The following NYAP2 variants were observed in gnomAD, a reference collection of about 807,000 sequenced individuals.
NYAP2 encodes neuronal tyrosine-phosphorylated phosphoinositide-3-kinase adaptor 2, also known as neuronal tyrosine-phosphorylated phosphoinositide-3-kinase adapter 2.
A neutral mutation model predicts 50.4 loss-of-function variants in NYAP2; 23 were observed. That is an observed-to-expected ratio of 0.46 (90% CI 0.33 to 0.65). The LOEUF (loss-of-function observed/expected upper bound fraction) is 0.65, where lower values mean the gene tolerates loss of function less well. Ranked by LOEUF, NYAP2 falls within the 30% of genes least tolerant of loss-of-function variation. NYAP2 has a pLI of 0.02. For missense variants in NYAP2, 885 were observed against 861.0 expected (o/e 1.03, Z -0.35); for synonymous variants, 394 against 365.2 (o/e 1.08, Z -0.90).
Position 225,502,241 on chromosome 2 carries a change from C to T in NYAP2, c.222-11130C>T, listed in dbSNP as rs552106622. Among the ~76,000 whole-genome samples the T allele has an allele frequency of 5.3e-5, 8 of 152,084 alleles. 1 individual carries two copies. In the Middle Eastern group the frequency reaches 0.01, roughly 194 times the overall value. On this transcript the variant is annotated intron_variant, in intron 3 of 6. Transcript: ENST00000636099. ...AAGTGATGAGCACCTAAACCAAAGC[C>T]GAGCGGTAGAGATGGAGAGAAGGGG...
rs570168774 is a variant in NYAP2, at chr2:225,600,636, G to T, written c.1618+17601G>T. Among the ~76,000 whole-genome samples, 6 of 152,284 alleles carry T rather than the reference G, an allele frequency of 3.9e-5. No homozygotes were observed. The South Asian group carries it at 1.2e-3, about 32-fold the overall frequency. On this transcript the variant is annotated intron_variant, in intron 5 of 6. Coordinates refer to ENST00000636099, the Ensembl canonical transcript of NYAP2. ...CCTTCACTGTCTCAGTTACAGCTTT[G>T]CAGTAACAGTTTCACAACCATCAGT...
At chr2:225,699,602 AT>A in the NYAP2 span, 2 of 151,934 alleles carry the variant, frequency 1.3e-5, no homozygotes, top group Non-Finnish European at 2.9e-5. Context: ...TTAATAAAAT[AT>A]GTATTTCTTG....
At chr2:225,675,661 GT>G in the NYAP2 span, among the ~76,000 whole-genome samples, 1 of 152,264 alleles carries the variant, frequency 6.6e-6, no homozygotes, top group Non-Finnish European at 1.5e-5. Context: ...TATACACCCA[GT>G]AGTGGGATTA....
rs1691302466 is a variant in NYAP2, at chr2:225,533,924, A to T, written c.523+20252A>T. ...GATAAAGGAAGCCAGAGTTATACAGATCTGTTTCTTAACTGGCAGGTTATC... is the reference window on the plus strand; with the variant it reads ...GATAAAGGAAGCCAGAGTTATACAGTTCTGTTTCTTAACTGGCAGGTTATC... On this transcript the variant is annotated intron_variant, in intron 4 of 6. Transcript: ENST00000636099. Among the ~76,000 whole-genome samples, 3 of 152,294 alleles carry T rather than the reference A, an allele frequency of 2.0e-5. No homozygotes were observed. In the South Asian group the frequency reaches 6.2e-4, roughly 32 times the overall value.
At chr2:225,684,498 A>C in the NYAP2 span, among the ~76,000 whole-genome samples, 16 of 145,346 alleles carry the variant, frequency 1.1e-4, no homozygotes, top group African/African-American at 4.1e-4. Context: ...CTTCTCTCTT[A>C]CTATGTAATC....
chr2:225,661,665 T>A, the NYAP2 span, among the ~76,000 whole-genome samples: 43 of 152,238 alleles, frequency 2.8e-4, no homozygotes, highest in East Asian at 4.8e-3. Context: ...GTTCTATCTA[T>A]CAAACCCCTG....
intron 5 of NYAP2, among the ~76,000 whole-genome samples, chr2:225,612,796 G>GGACATCACACCAAATGTGTGTGAT (rs1692917010): frequency 1.6e-5 from 2 of 124,464 alleles, no homozygotes; most frequent in Non-Finnish European, 3.5e-5. Context: ...CCCCACCTTT[G>GGACATCACACCAAATGTGTGTGAT]GACATCACAC....
At chr2:225,464,576 C>A (rs1394791094) in intron 3 of NYAP2, among the ~76,000 whole-genome samples, 1 of 152,178 alleles carries the variant, frequency 6.6e-6, no homozygotes, top group Non-Finnish European at 1.5e-5. Context: ...CACTTCCCGG[C>A]CATTGCAGGG....
the NYAP2 span, among the ~76,000 whole-genome samples, chr2:225,692,715 A>T: frequency 1.3e-5 from 2 of 152,046 alleles, no homozygotes; most frequent in Non-Finnish European, 2.9e-5. Flanking sequence ...AAATTCAGAG[A>T]TATTCATGAC....
At position 225,547,121 on chromosome 2, in the gene NYAP2, C is replaced by T. The variant is rs149422360; in HGVS notation, c.523+33449C>T. Among the ~76,000 whole-genome samples, 1,213 of 152,272 alleles carry T rather than the reference C, an allele frequency of 8.0e-3. 7 individuals are homozygous for T. The highest frequency in any genetic ancestry group is 0.024 in the Middle Eastern group (7 of 294). On this transcript the variant is annotated intron_variant, in intron 4 of 6. Transcript: ENST00000636099. ...CTCCCCTCCCACACAAGGAAGGAATCCCTTTTGTTGCCGTAAGCTGCACTG... is the reference window on the plus strand; with the variant it reads ...CTCCCCTCCCACACAAGGAAGGAATTCCTTTTGTTGCCGTAAGCTGCACTG...
chr2:225,648,220 C>T (rs1444157392), intron 6 of NYAP2, among the ~76,000 whole-genome samples: 3 of 152,020 alleles, frequency 2.0e-5, no homozygotes, highest in Non-Finnish European at 2.9e-5. Context: ...AGGCTAGTCT[C>T]GAACTCCTGA....
At chr2:225,619,808 G>A (rs1693057404) in intron 5 of NYAP2, among the ~76,000 whole-genome samples, 1 of 152,160 alleles carries the variant, frequency 6.6e-6, no homozygotes, top group Non-Finnish European at 1.5e-5. Flanking sequence ...TCCTGCTTCA[G>A]CCTAAACACT....
At chr2:225,689,089 G>A in the NYAP2 span, among the ~76,000 whole-genome samples, 1 of 152,146 alleles carries the variant, frequency 6.6e-6, no homozygotes, top group Non-Finnish European at 1.5e-5. Context: ...AAAGGGATGT[G>A]CATTCTATTA....
At chr2:225,495,261 T>C (rs1172405902) in intron 3 of NYAP2, among the ~76,000 whole-genome samples, 2 of 152,158 alleles carry the variant, frequency 1.3e-5, no homozygotes, top group African/African-American at 4.8e-5. Flanking sequence ...GAAGTGAATT[T>C]GGGGGAATAT....
intron 4 of NYAP2, among the ~76,000 whole-genome samples, chr2:225,557,969 C>A (rs1691807151): frequency 6.6e-6 from 1 of 152,048 alleles, no homozygotes; most frequent in African/African-American, 2.4e-5. Flanking sequence ...TTTAAAAGAT[C>A]CAGAGAAAAA....
At chr2:225,547,157 C>A (rs777668619) in intron 4 of NYAP2, among the ~76,000 whole-genome samples, 2 of 152,192 alleles carry the variant, frequency 1.3e-5, no homozygotes, top group Non-Finnish European at 2.9e-5. Flanking sequence ...CCAAGCAAAC[C>A]ATTAGGTTTC....
intron 4 of NYAP2, among the ~76,000 whole-genome samples, chr2:225,540,027 T>A (rs1574667090): frequency 6.6e-6 from 1 of 152,174 alleles, no homozygotes; most frequent in Non-Finnish European, 1.5e-5. Flanking sequence ...CAAGCATCAC[T>A]TTTGCTCCAG....
intron 4 of NYAP2, among the ~76,000 whole-genome samples, chr2:225,558,109 G>C (rs541948744): frequency 4.6e-5 from 7 of 152,206 alleles, no homozygotes; most frequent in Admixed American, 4.6e-4. Context: ...TGTGGAGGAG[G>C]GCTGGATCTG....
chr2:225,426,603 C>T lies in NYAP2; in HGVS notation c.221+17502C>T, dbSNP rs1204391324. ...AATTTGAGGAAGTGCTTACTCAACC[C>T]TTACCCTGAGAAAATACCTCTCTTG... On this transcript the variant is annotated intron_variant, in intron 3 of 6. Coordinates refer to ENST00000636099, the Ensembl canonical transcript of NYAP2. Among the ~76,000 whole-genome samples, 5 of 152,144 alleles carry T rather than the reference C, an allele frequency of 3.3e-5. 1 individual carries two copies. Among genetic ancestry groups the T allele is most frequent in the Admixed American group, 3.3e-4 (5 of 15,276 alleles).
Sources: gnomAD v4.1 joint callset for allele counts (sites outside exome capture counted in the v4.1 genomes callset) on GRCh38, gnomAD v4.1.1 for gene constraint, MANE v1.5 for transcripts, NCBI Gene and HGNC (gene_info 2026-07-23, HGNC 2026-07-21) for gene names.